LNX2: variants seen among roughly 807,000 people sequenced by gnomAD.
The protein encoded by LNX2 is ligand of Numb protein X 2.
A neutral mutation model predicts 66.2 loss-of-function variants in LNX2; 35 were observed. That is an observed-to-expected ratio of 0.53 (90% CI 0.40 to 0.70). The LOEUF (loss-of-function observed/expected upper bound fraction) is 0.70, where lower values mean the gene tolerates loss of function less well. LNX2 is among the 30% of genes least tolerant of loss of function. The pLI is 0.00. For missense variants in LNX2, 791 were observed against 850.8 expected (o/e 0.93, Z 0.87); for synonymous variants, 337 against 315.6 (o/e 1.07, Z -0.72).
chr13:27,551,748 C>T (rs1045156492), intron 8 of LNX2, among the ~76,000 whole-genome samples: 5 of 152,078 alleles, frequency 3.3e-5, no homozygotes, highest in African/African-American at 1.2e-4. Context: ...ATAAGAAAGG[C>T]TTCTGGGATG....
intron 2 of LNX2, among the ~76,000 whole-genome samples, chr13:27,574,916 C>G (rs1433572599): frequency 6.6e-6 from 1 of 152,112 alleles, no homozygotes; most frequent in Non-Finnish European, 1.5e-5. Context: ...ACTCAAAGTT[C>G]TGAGGGAAGG....
rs1566119799 is a variant in LNX2, at chr13:27,569,112, T to C, written c.572A>G (p.His191Arg). 1 of 1,613,444 alleles carries C rather than the reference T, an allele frequency of 6.2e-7. No individual in the cohort carries two copies. The highest frequency in any genetic ancestry group is 8.5e-7 in the Non-Finnish European group (1 of 1,179,760). Residue 191 changes from histidine to arginine, a missense_variant, in exon 3 of 10, where the codon CAC becomes CGC. Physicochemically the swap from His to Arg is conservative, Grantham distance 29. Coordinates refer to ENST00000316334, the MANE Select transcript of LNX2 (RefSeq NM_153371.4). ...LGTGAVPVERHLTSASLSTWS... is the reference protein window; with the variant it reads ...LGTGAVPVERRLTSASLSTWS... ...TGTGGAAAGAGACGCTGATGTCAAG[T>C]GCCGCTCCACAGGCACTGCGCCTGT...
chr13:27,608,978 T>C (rs542007621), intron 1 of LNX2, among the ~76,000 whole-genome samples: 1 of 152,116 alleles, frequency 6.6e-6, no homozygotes, highest in East Asian at 1.9e-4. Flanking sequence ...CTAATTTTTG[T>C]GACGGGGTTT....
In LNX2 at chr13:27,583,224, G is replaced by GCGCACGCGTCCTCTCCTATATAACTT. The variant is rs1472197071; in HGVS notation, c.-100-1422_-100-1421insAAGTTATATAGGAGAGGACGCGTGCG. On this transcript the variant is annotated intron_variant, in intron 1 of 9. Coordinates refer to ENST00000316334, the MANE Select transcript of LNX2 (RefSeq NM_153371.4). ...TGTGTGTGTGTGTGTGTGTGTGTGT[G>GCGCACGCGTCCTCTCCTATATAACTT]TGTGTGTGTGTGTGTGTGTGTGTGT... Among the ~76,000 whole-genome samples the GCGCACGCGTCCTCTCCTATATAACTT allele has an allele frequency of 7.6e-5, 2 of 26,388 alleles. 1 individual carries two copies. The highest frequency in any genetic ancestry group is 1.3e-4 in the Non-Finnish European group (2 of 15,132). The allele number at this position is 26,388 out of a possible 152,430, so 17.3% of individuals were successfully genotyped here.
intron 2 of LNX2, among the ~76,000 whole-genome samples, chr13:27,571,305 A>G (rs2138367087): frequency 6.6e-6 from 1 of 152,336 alleles, no homozygotes; most frequent in East Asian, 1.9e-4. Flanking sequence ...TAAAATAAGG[A>G]CCAAAAAGTG....
rs1343548855 is a variant in LNX2 at position 27,602,529 on chromosome 13, A to G, written c.-101+17846T>C. ...CTCAGCATGTTTTTGAGATTTACCT[A>G]TGCTGTGGTATATATCAGTAGTCTG... On this transcript the variant is annotated intron_variant, in intron 1 of 9. Coordinates refer to ENST00000316334, the MANE Select transcript of LNX2 (RefSeq NM_153371.4). 2.8e-5 allele frequency among the ~76,000 whole-genome samples: 3 copies of G among 106,166 alleles called. No homozygotes were observed. In the East Asian group the frequency reaches 6.9e-4, roughly 24 times the overall value. 69.6% of individuals were successfully genotyped at this position (106,166 alleles called of 152,430 possible). A position where few individuals can be genotyped will look rare whatever the true frequency, so the allele number is the denominator to read the frequency against.
chr13:27,582,329 C>T (rs1955407811), intron 1 of LNX2, among the ~76,000 whole-genome samples: 1 of 151,984 alleles, frequency 6.6e-6, no homozygotes, highest in African/African-American at 2.4e-5. Context: ...GCCTGGCTCC[C>T]ACTGTCAAGT....
intron 1 of LNX2, among the ~76,000 whole-genome samples, chr13:27,613,818 G>A (rs1347903245): frequency 3.9e-5 from 6 of 152,036 alleles, no homozygotes; most frequent in South Asian, 2.1e-4. Flanking sequence ...AAGGTCACCC[G>A]GCTGCAAATG....
intron 1 of LNX2, among the ~76,000 whole-genome samples, chr13:27,595,791 T>C (rs1187226669): frequency 6.6e-6 from 1 of 152,192 alleles, no homozygotes; most frequent in African/African-American, 2.4e-5. Flanking sequence ...ACCTGGATAT[T>C]ATCTTCTACT....
chr13:27,560,351 A>C (rs1955116263), intron 5 of LNX2, among the ~76,000 whole-genome samples: 1 of 152,112 alleles, frequency 6.6e-6, no homozygotes, highest in African/African-American at 2.4e-5. Context: ...AGAGCAAAGG[A>C]AATAAAAGGA....
chr13:27,553,309 C>T lies in LNX2; in HGVS notation c.1677G>A (p.Glu559=), dbSNP rs1236940481. 1 of 1,614,072 alleles carries T rather than the reference C, an allele frequency of 6.2e-7. No homozygotes were observed. The highest frequency in any genetic ancestry group is 8.5e-7 in the Non-Finnish European group (1 of 1,180,038). The change falls in exon 8 of 10, where the codon GAG becomes GAA. Residue 559 remains glutamate (E), a synonymous_variant. Coordinates refer to ENST00000316334, the MANE Select transcript of LNX2 (RefSeq NM_153371.4). ...GCTCCTCCGCGTTCTGAGTCGCCTCCTCAACAATCTGGACCTCAAGTGCTT... is the reference window on the plus strand; with the variant it reads ...GCTCCTCCGCGTTCTGAGTCGCCTCTTCAACAATCTGGACCTCAAGTGCTT... The part of the protein sequence containing the change: ...ALKALEVQIV[E]EATQNAEEQP...
intron 1 of LNX2, among the ~76,000 whole-genome samples, chr13:27,599,862 T>C (rs1566130837): frequency 1.3e-5 from 2 of 152,196 alleles, no homozygotes; most frequent in Non-Finnish European, 2.9e-5. Context: ...GGGTCTTGGT[T>C]AACAATGGCA....
chr13:27,562,391 A>C, intron 5 of LNX2, 22 bp downstream of exon 5: 6 of 1,592,824 alleles, frequency 3.8e-6, no homozygotes, highest in Non-Finnish European at 5.1e-6. Flanking sequence ...AAGCCTTTGG[A>C]ATGAAGGCCA....
chr13:27,612,787 G>A (rs9512762), intron 1 of LNX2, among the ~76,000 whole-genome samples: 30,994 of 151,944 alleles, frequency 0.2, 3,284 homozygotes, highest in South Asian at 0.23. Flanking sequence ...GACAGGTTTC[G>A]CCATGTTGCC....
Position 27,609,142 on chromosome 13 carries a change from A to G in LNX2, c.-101+11233T>C, listed in dbSNP as rs1361132908. On this transcript the variant is annotated intron_variant, in intron 1 of 9. Coordinates refer to ENST00000316334, the MANE Select transcript of LNX2 (RefSeq NM_153371.4). ...TCTTTTCAAAAGGTTCAAATAACCAACAGTGATTTTTTTTTTCTTTTTTTT... is the reference window on the plus strand; with the variant it reads ...TCTTTTCAAAAGGTTCAAATAACCAGCAGTGATTTTTTTTTTCTTTTTTTT... Among the ~76,000 whole-genome samples, 3 of 127,096 alleles carry G rather than the reference A, an allele frequency of 2.4e-5. No homozygotes were observed. In the South Asian group the frequency reaches 8.0e-4, roughly 34 times the overall value. 83.4% of individuals were successfully genotyped at this position (127,096 alleles called of 152,430 possible).
At chr13:27,601,741 T>G (rs775541385) in intron 1 of LNX2, among the ~76,000 whole-genome samples, 11 of 152,156 alleles carry the variant, frequency 7.2e-5, no homozygotes, top group Admixed American at 2.6e-4. Context: ...GGGTGGAGTG[T>G]AGTGCCATAA....
At position 27,553,324 on chromosome 13, in the gene LNX2, C is replaced by T. The variant is rs772764407; in HGVS notation, c.1662G>A (p.Glu554=). 1.2e-6 allele frequency: 2 copies of T among 1,614,196 alleles called. No individual in the cohort carries two copies. The highest frequency in any genetic ancestry group is 1.7e-5 in the Admixed American group (1 of 60,026). The change falls in exon 8 of 10, where the codon GAG becomes GAA. Residue 554 remains glutamate, a synonymous_variant. Transcript: ENST00000316334. The part of the protein sequence containing the change: ...ASPAVALKAL[E]VQIVEEATQN... Reference sequence around the variant, plus strand: ...GAGTCGCCTCCTCAACAATCTGGACCTCAAGTGCTTTAAGGGCAACAGCAG... The same window carrying T: ...GAGTCGCCTCCTCAACAATCTGGACTTCAAGTGCTTTAAGGGCAACAGCAG...
chr13:27,553,075 G>T, intron 8 of LNX2, 133 bp downstream of exon 8: 1 of 684,582 alleles, frequency 1.5e-6, no homozygotes, highest in Non-Finnish European at 2.5e-6. Flanking sequence ...TTTGTAATTT[G>T]ATTTGATGTT....
intron 1 of LNX2, among the ~76,000 whole-genome samples, chr13:27,592,734 G>A (rs2138429457): frequency 1.3e-5 from 2 of 152,320 alleles, no homozygotes; most frequent in Middle Eastern, 3.4e-3. Context: ...GGCAGAGGAG[G>A]AGTGTCCACT....
Sources: allele counts gnomAD v4.1 joint callset (sites outside exome capture counted in the v4.1 genomes callset), GRCh38; gene constraint gnomAD v4.1.1; transcripts MANE v1.5; gene names NCBI Gene and HGNC (gene_info 2026-07-23, HGNC 2026-07-21).